The following DNM3 variants were observed in gnomAD, a reference collection of about 807,000 sequenced individuals.
DNM3 encodes the protein dynamin 3, also known as dynamin-3.
In DNM3, 47 loss-of-function variants were observed where a neutral mutation model predicts 101.6. That is an observed-to-expected ratio of 0.46 (90% CI 0.37 to 0.59). DNM3 has a LOEUF of 0.59. Ranked by LOEUF, DNM3 falls within the 20% of genes least tolerant of loss-of-function variation. The pLI is 0.00. For missense variants in DNM3, 849 were observed against 1,085.7 expected (o/e 0.78, Z 3.06); for synonymous variants, 385 against 387.9 (o/e 0.99, Z 0.09).
At chr1:172,329,239 A>C (rs1356756455) in intron 17 of DNM3, among the ~76,000 whole-genome samples, 1 of 152,112 alleles carries the variant, frequency 6.6e-6, no homozygotes, top group Non-Finnish European at 1.5e-5. Context: ...TTCAAAAGAT[A>C]TATATGTGCA....
intron 1 of DNM3, among the ~76,000 whole-genome samples, chr1:171,884,225 T>C (rs2036568755): frequency 6.6e-6 from 1 of 152,186 alleles, no homozygotes; most frequent in Non-Finnish European, 1.5e-5. Context: ...TCTTTGGAGA[T>C]TTGTATCAGT....
intron 14 of DNM3, chr1:172,140,119 A>G (rs1413801302): frequency 6.6e-6 from 1 of 152,076 alleles, no homozygotes; most frequent in African/African-American, 2.4e-5. Flanking sequence ...AGAAAATAGC[A>G]AATAGAAACT....
intron 2 of DNM3, among the ~76,000 whole-genome samples, chr1:171,942,178 T>C (rs2125413745): frequency 6.6e-6 from 1 of 151,436 alleles, no homozygotes; most frequent in South Asian, 2.1e-4. Context: ...AGATCCAGAA[T>C]GTTTTTAAAT....
At position 171,901,112 on chromosome 1, in the gene DNM3, C is replaced by CAAAAAAAAAAAAAA. The variant is rs1243053508; in HGVS notation, c.162-20630_162-20617dup. 1.0e-4 allele frequency among the ~76,000 whole-genome samples: 7 copies of CAAAAAAAAAAAAAA among 66,734 alleles called. 1 individual carries two copies. The highest frequency in any genetic ancestry group is 5.6e-4 in the South Asian group (1 of 1,788). 43.8% of individuals were successfully genotyped at this position (66,734 alleles called of 152,430 possible). On this transcript the variant is annotated intron_variant, in intron 1 of 20. Coordinates refer to ENST00000627582, the MANE Select transcript of DNM3 (RefSeq NM_015569.5). Reference sequence around the variant, plus strand: ...TGGGCGACAGAGCGAGACTCTGTCTCAAAAAAAAAAAAAAAAAAAGAAAGA... The same window carrying CAAAAAAAAAAAAAA: ...TGGGCGACAGAGCGAGACTCTGTCTCAAAAAAAAAAAAAAAAAAAAAAAAAAAAAAAAAGAAAGA...
At chr1:171,910,747 C>T (rs961263825) in intron 1 of DNM3, among the ~76,000 whole-genome samples, 2 of 152,276 alleles carry the variant, frequency 1.3e-5, no homozygotes. Flanking sequence ...TATTTGACTA[C>T]TTACTATGAG....
intron 1 of DNM3, among the ~76,000 whole-genome samples, chr1:171,846,472 G>A (rs145345945): frequency 1.3e-5 from 2 of 152,280 alleles, no homozygotes; most frequent in Non-Finnish European, 2.9e-5. Flanking sequence ...GGATTAGAGG[G>A]TAGGCTATTG....
intron 17 of DNM3, among the ~76,000 whole-genome samples, chr1:172,326,594 T>C (rs2065947366): frequency 6.6e-6 from 1 of 152,144 alleles, no homozygotes; most frequent in South Asian, 2.1e-4. Context: ...GATTTCCTTT[T>C]TGAATGTGAT....
chr1:172,223,543 C>T lies in DNM3; in HGVS notation c.1660-30030C>T, dbSNP rs1234719945. On this transcript the variant is annotated intron_variant, in intron 14 of 20. Transcript: ENST00000627582. Reference sequence around the variant, plus strand: ...TTTTGTCTCCATTACTCCATCTCCTCTTGGATGTCTCAGATTCCTCAGCAT... The same window carrying T: ...TTTTGTCTCCATTACTCCATCTCCTTTTGGATGTCTCAGATTCCTCAGCAT... 3.9e-5 allele frequency among the ~76,000 whole-genome samples: 6 copies of T among 152,134 alleles called. No individual in the cohort carries two copies. In the South Asian group the frequency reaches 1.2e-3, roughly 31 times the overall value.
At chr1:172,245,423 C>T (rs1431075725) in intron 14 of DNM3, among the ~76,000 whole-genome samples, 1 of 152,144 alleles carries the variant, frequency 6.6e-6, no homozygotes, top group African/African-American at 2.4e-5. Flanking sequence ...TGCGAGGAAC[C>T]AAGCACAAGG....
chr1:172,100,259 C>T (rs1250993172), intron 13 of DNM3, among the ~76,000 whole-genome samples: 2 of 152,158 alleles, frequency 1.3e-5, no homozygotes, highest in Admixed American at 1.3e-4. Flanking sequence ...AGGCTGCAAA[C>T]AGAAAAAGAT....
chr1:172,402,108 T>C (rs2070534307), intron 20 of DNM3, among the ~76,000 whole-genome samples: 1 of 152,110 alleles, frequency 6.6e-6, no homozygotes, highest in African/African-American at 2.4e-5. Context: ...GTAGGAGTAA[T>C]CTTGGTTCAT....
intron 13 of DNM3, among the ~76,000 whole-genome samples, chr1:172,110,277 C>T (rs1198905706): frequency 6.6e-6 from 1 of 152,140 alleles, no homozygotes; most frequent in Non-Finnish European, 1.5e-5. Flanking sequence ...CTTAGGAGTA[C>T]TTTTCCGGAC....
chr1:172,029,513 T>C (rs2048450641), intron 4 of DNM3, among the ~76,000 whole-genome samples: 1 of 152,200 alleles, frequency 6.6e-6, no homozygotes, highest in African/African-American at 2.4e-5. Flanking sequence ...GGATGCCTTC[T>C]CTCACCACTC....
chr1:172,341,836 C>T (rs2066700951), intron 17 of DNM3, among the ~76,000 whole-genome samples: 1 of 152,046 alleles, frequency 6.6e-6, no homozygotes, highest in African/African-American at 2.4e-5. Flanking sequence ...TATTTCCTGA[C>T]GAAGACGCCA....
chr1:172,334,471 A>G (rs2066331229), intron 17 of DNM3, among the ~76,000 whole-genome samples: 1 of 152,176 alleles, frequency 6.6e-6, no homozygotes, highest in Non-Finnish European at 1.5e-5. Flanking sequence ...TATCCCATCA[A>G]ATGTGTCAAT....
chr1:172,174,570 T>G (rs2059085513), intron 14 of DNM3, among the ~76,000 whole-genome samples: 1 of 151,762 alleles, frequency 6.6e-6, no homozygotes, highest in African/African-American at 2.4e-5. Flanking sequence ...TTTTAACAAA[T>G]GTCTCAGTGT....
At chr1:172,158,155 T>A (rs2058410978) in intron 14 of DNM3, among the ~76,000 whole-genome samples, 1 of 151,938 alleles carries the variant, frequency 6.6e-6, no homozygotes. Flanking sequence ...TGCGGATGAC[T>A]GAGGAAAGAG....
intron 14 of DNM3, among the ~76,000 whole-genome samples, chr1:172,249,164 C>T (rs2062071549): frequency 6.6e-6 from 1 of 152,142 alleles, no homozygotes; most frequent in Admixed American, 6.6e-5. Context: ...CCCATTGTAT[C>T]TCCTTCTAGT....
chr1:172,176,567 T>C (rs1409676111), intron 14 of DNM3, among the ~76,000 whole-genome samples: 1 of 151,804 alleles, frequency 6.6e-6, no homozygotes, highest in African/African-American at 2.4e-5. Context: ...TGATTACAGT[T>C]CCAGTCAGGA....
Sources: allele counts gnomAD v4.1 joint callset (sites outside exome capture counted in the v4.1 genomes callset), GRCh38; gene constraint gnomAD v4.1.1; transcripts MANE v1.5; gene names NCBI Gene and HGNC (gene_info 2026-07-23, HGNC 2026-07-21).